MED17: variants seen among roughly 807,000 people sequenced by gnomAD.
MED17 encodes the protein mediator of RNA polymerase II transcription subunit 17.
MED17 carries 49 observed loss-of-function variants against 80.8 expected under a neutral mutation model. The ratio of observed to expected loss-of-function variants is 0.61; its 90% confidence interval spans 0.48 to 0.77. MED17 has a LOEUF of 0.77. Among genes scored for constraint, MED17 ranks in the 30% least tolerant of loss-of-function variants. The probability of loss-of-function intolerance (pLI) is 0.00; values close to 1 mark genes in which losing one functional copy is unlikely to be tolerated. For missense variants in MED17, 718 were observed against 787.0 expected, an observed-to-expected ratio of 0.91 and a Z score of 1.05; for synonymous variants, 281 against 280.4, an observed-to-expected ratio of 1.00 and a Z score of -0.02.
rs1223134171 is a variant in MED17 at position 93,813,446 on chromosome 11, C to A, written c.*1382C>A. The A allele has an allele frequency of 1.3e-5, 2 of 152,116 alleles. No individual in the cohort carries two copies. Among genetic ancestry groups the A allele is most frequent in the African/African-American group, 4.8e-5 (2 of 41,424 alleles). The allele number at this position is 152,116 out of a possible 1,614,324, so 9.4% of individuals were successfully genotyped here. A position where few individuals can be genotyped will look rare whatever the true frequency, so the allele number is the denominator to read the frequency against. The stretch of plus-strand genomic sequence containing the variant: ...AGTTATTTAAAAATCTTGAGTGCTT[C>A]AAAAATTATTGTTGCCTGCAAAATT... On this transcript the variant is annotated 3_prime_UTR_variant, in exon 12 of 12. Transcript: ENST00000251871.
At chr11:93,807,281 C>CAG in intron 9 of MED17, 1 of 432,540 alleles carries the variant, frequency 2.3e-6, no homozygotes, top group African/African-American at 2.0e-5. Context: ...GGCATGATGG[C>CAG]AGGTGCCTGT....
chr11:93,809,185 C>CCGT, intron 10 of MED17: 3 of 211,856 alleles, frequency 1.4e-5, no homozygotes, highest in South Asian at 8.3e-5. Flanking sequence ...TAGAACAGTC[C>CCGT]ATCTTGAGAA....
In MED17 at chr11:93,807,510, C is replaced by T; in HGVS notation, c.1467-8C>T. 15 of 1,474,612 alleles carry T rather than the reference C, an allele frequency of 1.0e-5. No homozygotes were observed. Among genetic ancestry groups the T allele is most frequent in the Non-Finnish European group, 1.3e-5 (14 of 1,053,184 alleles). 91.3% of individuals were successfully genotyped at this position (1,474,612 alleles called of 1,614,324 possible). ...CATCTCTGATTTTTAGTATGTGTGT[C>T]TATAAAGGTCCATTCAACTGCAATT... On this transcript the variant is annotated splice_region_variant and splice_polypyrimidine_tract_variant and intron_variant, in intron 9 of 11. Coordinates refer to ENST00000251871, the MANE Select transcript of MED17 (RefSeq NM_004268.5).
chr11:93,793,117 T>TTTTC (rs2135712591), intron 3 of MED17: 1 of 117,018 alleles, frequency 8.5e-6, no homozygotes, highest in Non-Finnish European at 1.8e-5. Context: ...TACACCTCTT[T>TTTTC]TTTTTTTTTT....
chr11:93,803,163 CG>C (rs1943981024), intron 9 of MED17, among the ~76,000 whole-genome samples: 1 of 152,032 alleles, frequency 6.6e-6, no homozygotes, highest in Non-Finnish European at 1.5e-5. Flanking sequence ...TTTCAGCAGA[CG>C]TAACTAGCCA....
chr11:93,799,294 G>A (rs890694326), intron 8 of MED17, among the ~76,000 whole-genome samples: 3 of 151,296 alleles, frequency 2.0e-5, no homozygotes, highest in Non-Finnish European at 2.9e-5. Flanking sequence ...TCCCGCCTCA[G>A]CCTCCCAAGT....
Position 93,809,701 on chromosome 11 carries a change from C to A in MED17, c.1585-16C>A. ...TCTCTGCTGACTGTCAGTCAAGTGTCCTTTTTCATTCACAGATGTCACAGC... is the reference window on the plus strand; with the variant it reads ...TCTCTGCTGACTGTCAGTCAAGTGTACTTTTTCATTCACAGATGTCACAGC... On this transcript the variant is annotated splice_polypyrimidine_tract_variant and intron_variant, in intron 10 of 11. Coordinates refer to ENST00000251871, the MANE Select transcript of MED17 (RefSeq NM_004268.5). 1 of 1,614,056 alleles carries A rather than the reference C, an allele frequency of 6.2e-7. No homozygotes were observed. Among genetic ancestry groups the A allele is most frequent in the Non-Finnish European group, 8.5e-7 (1 of 1,179,962 alleles).
At chr11:93,792,555 C>A (rs1943848573) in intron 3 of MED17, among the ~76,000 whole-genome samples, 1 of 152,142 alleles carries the variant, frequency 6.6e-6, no homozygotes, top group Non-Finnish European at 1.5e-5. Flanking sequence ...TGTTATAAAA[C>A]CAGTTACATT....
intron 3 of MED17, among the ~76,000 whole-genome samples, chr11:93,791,737 A>G (rs1223385092): frequency 1.3e-5 from 2 of 152,140 alleles, no homozygotes; most frequent in African/African-American, 4.8e-5. Flanking sequence ...ACATGATGCA[A>G]TTCTCAGTGT....
In MED17 at chr11:93,811,781, T is replaced by G. The variant is rs143143007; in HGVS notation, c.1745-72T>G. The stretch of plus-strand genomic sequence containing the variant: ...TTTTTGTATTCACAGTAGAATGGAG[T>G]TGTGGGATTTATCCTTGTTATTTCT... On this transcript the variant is annotated intron_variant, in intron 11 of 11. Transcript: ENST00000251871. 13 of 1,314,650 alleles carry G rather than the reference T, an allele frequency of 9.9e-6. No homozygotes were observed. In the East Asian group the frequency reaches 2.5e-4, roughly 26 times the overall value. 81.4% of individuals were successfully genotyped at this position (1,314,650 alleles called of 1,614,324 possible). A position where few individuals can be genotyped will look rare whatever the true frequency, so the allele number is the denominator to read the frequency against.
intron 5 of MED17, 79 bp downstream of exon 5, chr11:93,794,114 AG>A (rs1943874184): frequency 1.9e-6 from 2 of 1,060,762 alleles, no homozygotes; most frequent in Non-Finnish European, 2.7e-6. Flanking sequence ...AAATATAGGT[AG>A]GAAAAAATAG....
At position 93,784,511 on chromosome 11, in the gene MED17, A is replaced by T. The variant is rs558586606; in HGVS notation, c.-3A>T. 6 of 1,596,462 alleles carry T rather than the reference A, an allele frequency of 3.8e-6. No individual in the cohort carries two copies. The highest frequency in any genetic ancestry group is 5.1e-6 in the Non-Finnish European group (6 of 1,168,506). The stretch of plus-strand genomic sequence containing the variant: ...CCTCCCACCGCTGGCCGACGCAGCC[A>T]GCATGTCCGGGGTGCGCGCAGTGCG... On this transcript the variant is annotated 5_prime_UTR_variant, in exon 1 of 12. Transcript: ENST00000251871.
In MED17 at chr11:93,813,380, C is replaced by G. The variant is rs1944103917; in HGVS notation, c.*1316C>G. ...TCCCCTTCTGATCAAGATCTTGCAT[C>G]TTTCTATCCATGGAAATTAAAATAA... On this transcript the variant is annotated 3_prime_UTR_variant, in exon 12 of 12. Coordinates refer to ENST00000251871, the MANE Select transcript of MED17 (RefSeq NM_004268.5). 1.3e-5 allele frequency: 2 copies of G among 152,300 alleles called. 1 individual carries two copies. The highest frequency in any genetic ancestry group is 4.8e-5 in the African/African-American group (2 of 41,566). 9.4% of individuals were successfully genotyped at this position (152,300 alleles called of 1,614,324 possible).
At chr11:93,792,192 T>C (rs967267663) in intron 3 of MED17, among the ~76,000 whole-genome samples, 1 of 152,260 alleles carries the variant, frequency 6.6e-6, no homozygotes, top group Admixed American at 6.5e-5. Flanking sequence ...TAGAGTGATA[T>C]CTGAAAGATT....
Position 93,812,145 on chromosome 11 carries a change from A to T in MED17, c.*81A>T. 8.3e-7 allele frequency: 1 copy of T among 1,203,716 alleles called. No individual in the cohort carries two copies. The highest frequency in any genetic ancestry group is 1.2e-6 in the Non-Finnish European group (1 of 811,430). The allele number at this position is 1,203,716 out of a possible 1,614,324, so 74.6% of individuals were successfully genotyped here. A position where few individuals can be genotyped will look rare whatever the true frequency, so the allele number is the denominator to read the frequency against. ...CAGATCAACTATAAGCACAAAGAAG[A>T]GATAACTTCCAAAAGAGTGCTGTTT... is the stretch of plus-strand genomic sequence containing the variant. On this transcript the variant is annotated 3_prime_UTR_variant, in exon 12 of 12. Coordinates refer to ENST00000251871, the MANE Select transcript of MED17 (RefSeq NM_004268.5).
intron 9 of MED17, among the ~76,000 whole-genome samples, chr11:93,804,030 CACACACAT>C: frequency 1.3e-4 from 1 of 7,416 alleles, no homozygotes; most frequent in East Asian, 1.5e-3. Context: ...TATATATACA[CACACACAT>C]ATACACACGC....
intron 7 of MED17, 35 bp downstream of exon 7, chr11:93,796,575 G>GAGT: frequency 6.2e-7 from 1 of 1,611,840 alleles, no homozygotes; most frequent in Middle Eastern, 1.7e-4. Context: ...GCGCTGTGGT[G>GAGT]AGTATGTCCA....
At chr11:93,807,440 A>T (rs936859870) in intron 9 of MED17, 78 bp from the exon 10 acceptor site, 1 of 857,824 alleles carries the variant, frequency 1.2e-6, no homozygotes, top group African/African-American at 1.7e-5. Flanking sequence ...TTCTAATTTG[A>T]TGTTAACGTT....
In MED17 at chr11:93,792,344, A is replaced by G. The variant is rs183458014; in HGVS notation, c.638-1384A>G. On this transcript the variant is annotated intron_variant, in intron 3 of 11. Coordinates refer to ENST00000251871, the MANE Select transcript of MED17 (RefSeq NM_004268.5). Reference sequence around the variant, plus strand: ...CTGAAGGTTAAATCTCATTATAAAGATGAATTAAAGATGACAAGACCATTT... The same window carrying G: ...CTGAAGGTTAAATCTCATTATAAAGGTGAATTAAAGATGACAAGACCATTT... 9.2e-5 allele frequency among the ~76,000 whole-genome samples: 14 copies of G among 152,372 alleles called. No homozygotes were observed. The East Asian group carries it at 1.9e-3, about 21-fold the overall frequency.
Sources: allele counts gnomAD v4.1 joint callset (sites outside exome capture counted in the v4.1 genomes callset), GRCh38; gene constraint gnomAD v4.1.1; transcripts MANE v1.5; gene names NCBI Gene and HGNC (gene_info 2026-07-23, HGNC 2026-07-21).